Variants in CLASP1 observed in about 807,000 individuals in gnomAD.
CLASP1 encodes cytoplasmic linker associated protein 1, also known as CLIP-associating protein 1.
In CLASP1, 38 loss-of-function variants were observed where a neutral mutation model predicts 192.3. The observed-to-expected ratio is 0.20, with a 90% CI of 0.15 to 0.26. The LOEUF (loss-of-function observed/expected upper bound fraction) is 0.26. Among genes scored for constraint, CLASP1 ranks in the 10% least tolerant of loss-of-function variants. The probability of loss-of-function intolerance (pLI) is 1.00; values close to 1 mark genes in which losing one functional copy is unlikely to be tolerated. For missense variants in CLASP1, 1,433 were observed against 1,932.5 expected (o/e 0.74, Z 4.85); for synonymous variants, 691 against 712.8 (o/e 0.97, Z 0.49).
chr2:121,629,955 CTG>C (rs1382334151), intron 1 of CLASP1, among the ~76,000 whole-genome samples: 3 of 152,142 alleles, frequency 2.0e-5, no homozygotes, highest in Non-Finnish European at 4.4e-5. Flanking sequence ...GAGTCTTGCT[CTG>C]TCACCCAGGC....
exon 10 of CLASP1, chr2:121,462,552 C>G (rs1405848757): frequency 6.3e-7 from 1 of 1,598,936 alleles, no homozygotes; most frequent in East Asian, 2.2e-5. Flanking sequence ...GGTACATCAT[C>G]AAATGCTTTA....
chr2:121,517,753 G>A (rs141272913), intron 6 of CLASP1, among the ~76,000 whole-genome samples: 105 of 151,448 alleles, frequency 6.9e-4, no homozygotes, highest in African/African-American at 2.3e-3. Context: ...TACCTACTTG[G>A]GGGGGCCTGA....
At chr2:121,544,082 C>G (rs899724435) in intron 2 of CLASP1, among the ~76,000 whole-genome samples, 2 of 152,162 alleles carry the variant, frequency 1.3e-5, no homozygotes, top group Non-Finnish European at 2.9e-5. Flanking sequence ...TACAAAAGGG[C>G]AAACCAAGAA....
chr2:121,478,662 CCCCCACACACA>C (rs2091992156), intron 8 of CLASP1, among the ~76,000 whole-genome samples: 1 of 76,264 alleles, frequency 1.3e-5, no homozygotes, highest in African/African-American at 6.0e-5. Flanking sequence ...ACACACACAC[CCCCCACACACA>C]CCACACACAC....
chr2:121,374,053 T>C (rs887167493), intron 34 of CLASP1, among the ~76,000 whole-genome samples: 27 of 152,352 alleles, frequency 1.8e-4, no homozygotes, highest in African/African-American at 6.5e-4. Flanking sequence ...TTCAGAGACC[T>C]TCTTGGCAGC....
intron 16 of CLASP1, among the ~76,000 whole-genome samples, chr2:121,449,764 T>C (rs1308342292): frequency 2.0e-5 from 3 of 152,270 alleles, no homozygotes; most frequent in African/African-American, 7.2e-5. Flanking sequence ...ATAGTTATAA[T>C]AAGCTCAGAA....
intron 2 of CLASP1, among the ~76,000 whole-genome samples, chr2:121,564,461 C>A (rs567310625): frequency 6.6e-6 from 1 of 152,122 alleles, no homozygotes; most frequent in African/African-American, 2.4e-5. Flanking sequence ...TCAGAAAGGG[C>A]CTTGGTCATC....
intron 2 of CLASP1, among the ~76,000 whole-genome samples, chr2:121,548,976 C>A (rs2057743169): frequency 6.6e-6 from 1 of 152,132 alleles, no homozygotes; most frequent in African/African-American, 2.4e-5. Flanking sequence ...AATGCAAAAA[C>A]ACAAACCAGT....
intron 2 of CLASP1, among the ~76,000 whole-genome samples, chr2:121,580,553 T>C (rs1370137902): frequency 6.6e-6 from 1 of 152,206 alleles, no homozygotes; most frequent in Non-Finnish European, 1.5e-5. Flanking sequence ...TGCACTTGCC[T>C]TTTTCATTTT....
At chr2:121,635,358 C>T (rs116757679) in intron 1 of CLASP1, among the ~76,000 whole-genome samples, 2,093 of 152,228 alleles carry the variant, frequency 0.014, 43 homozygotes, top group African/African-American at 0.047. Flanking sequence ...AAAATAATTC[C>T]TTCCTTTGTT....
At chr2:121,479,016 C>CA (rs2092328676) in intron 8 of CLASP1, among the ~76,000 whole-genome samples, 1 of 63,896 alleles carries the variant, frequency 1.6e-5, no homozygotes, top group African/African-American at 9.7e-5. Flanking sequence ...CACACACACA[C>CA]CACACACACA....
chr2:121,477,336 G>A (rs9308626), intron 8 of CLASP1, among the ~76,000 whole-genome samples: 38,259 of 151,934 alleles, frequency 0.25, 7,670 homozygotes, highest in African/African-American at 0.55. Context: ...TGGTTTAATT[G>A]GATAATAAAT....
At chr2:121,625,426 C>CTTTTTTTTTTTT (rs1559804182) in intron 1 of CLASP1, among the ~76,000 whole-genome samples, 1 of 128,274 alleles carries the variant, frequency 7.8e-6, no homozygotes, top group African/African-American at 3.3e-5. Flanking sequence ...TTCTTTCTTT[C>CTTTTTTTTTTTT]ATTTTTTTTT....
intron 8 of CLASP1, among the ~76,000 whole-genome samples, chr2:121,497,877 G>A (rs894159924): frequency 2.2e-4 from 34 of 152,028 alleles, no homozygotes; most frequent in African/African-American, 7.2e-4. Flanking sequence ...CCACCACCAC[G>A]CCCGGGCCCA....
chr2:121,430,109 C>T, exon 20 of CLASP1: 2 of 1,576,048 alleles, frequency 1.3e-6, no homozygotes, highest in Non-Finnish European at 1.7e-6. Flanking sequence ...CGACTGCGGC[C>T]CCGGTTATCA....
At chr2:121,491,864 T>C (rs1038259058) in intron 8 of CLASP1, among the ~76,000 whole-genome samples, 20 of 152,198 alleles carry the variant, frequency 1.3e-4, no homozygotes, top group African/African-American at 4.3e-4. Flanking sequence ...ATTAAGTCCA[T>C]GGGTTTCATA....
chr2:121,493,888 T>A (rs2093424207), intron 8 of CLASP1, among the ~76,000 whole-genome samples: 1 of 152,124 alleles, frequency 6.6e-6, no homozygotes, highest in Admixed American at 6.5e-5. Context: ...AAATCAAAAC[T>A]ACAATGAGGT....
At chr2:121,550,773 C>A (rs1389731337) in intron 2 of CLASP1, among the ~76,000 whole-genome samples, 1 of 152,020 alleles carries the variant, frequency 6.6e-6, no homozygotes, top group East Asian at 1.9e-4. Context: ...AAATTCACAG[C>A]CAAATTCTAC....
At chr2:121,480,087 C>A (rs1038173251) in intron 8 of CLASP1, among the ~76,000 whole-genome samples, 2 of 152,140 alleles carry the variant, frequency 1.3e-5, no homozygotes, top group Non-Finnish European at 2.9e-5. Context: ...ACGATCTCAA[C>A]AATGACACCA....
Sources: allele counts gnomAD v4.1 joint callset (sites outside exome capture counted in the v4.1 genomes callset), GRCh38; gene constraint gnomAD v4.1.1; transcripts MANE v1.5; gene names NCBI Gene and HGNC (gene_info 2026-07-23, HGNC 2026-07-21).